Variants in UBE2E2 observed in about 807,000 individuals in gnomAD.
UBE2E2 encodes ubiquitin conjugating enzyme E2 E2.
In UBE2E2, 6 loss-of-function variants were observed where a neutral mutation model predicts 24.7. That is an observed-to-expected ratio of 0.24 (90% CI 0.13 to 0.48). The LOEUF (loss-of-function observed/expected upper bound fraction) is 0.48, where lower values mean the gene tolerates loss of function less well. UBE2E2 is among the 20% of genes least tolerant of loss of function. UBE2E2 has a pLI of 0.99. For synonymous variants in UBE2E2, 104 were observed against 83.6 expected (o/e 1.24, Z -1.33); for missense variants, 169 against 245.0 (o/e 0.69, Z 2.07).
intron 3 of UBE2E2, among the ~76,000 whole-genome samples, chr3:23,422,913 C>T (rs1026102422): frequency 2.6e-5 from 4 of 152,080 alleles, no homozygotes; most frequent in African/African-American, 9.7e-5. Flanking sequence ...GATCTAGATC[C>T]CTGTTCAGCT....
chr3:23,269,454 G>T (rs1698172487), intron 3 of UBE2E2, among the ~76,000 whole-genome samples: 1 of 152,192 alleles, frequency 6.6e-6, no homozygotes, highest in African/African-American at 2.4e-5. Flanking sequence ...TTGAAATAAA[G>T]AAATGTAGAG....
At chr3:23,548,095 A>G (rs1695564446) in intron 5 of UBE2E2, among the ~76,000 whole-genome samples, 1 of 152,142 alleles carries the variant, frequency 6.6e-6, no homozygotes, top group Admixed American at 6.5e-5. Flanking sequence ...TTATATACAT[A>G]TGTTCTCACA....
chr3:23,319,059 A>G (rs1694669520), intron 3 of UBE2E2, among the ~76,000 whole-genome samples: 1 of 152,196 alleles, frequency 6.6e-6, no homozygotes, highest in South Asian at 2.1e-4. Flanking sequence ...AGAGAAACTG[A>G]GAGTCTTTTA....
chr3:23,487,484 C>G (rs575454527), intron 3 of UBE2E2, among the ~76,000 whole-genome samples: 2 of 152,334 alleles, frequency 1.3e-5, no homozygotes, highest in East Asian at 3.9e-4. Context: ...ATGTGCCTCC[C>G]CCACTGTGGC....
At chr3:23,354,651 A>T (rs1044505518) in intron 3 of UBE2E2, among the ~76,000 whole-genome samples, 322 of 152,320 alleles carry the variant, frequency 2.1e-3, no homozygotes, top group Non-Finnish European at 2.8e-3. Context: ...CTGGCCATCA[A>T]AGAAATGCAA....
chr3:23,306,544 A>G (rs558787924), intron 3 of UBE2E2, among the ~76,000 whole-genome samples: 6 of 152,320 alleles, frequency 3.9e-5, no homozygotes, highest in Admixed American at 1.3e-4. Context: ...TAAGATTCCA[A>G]TCAAAACAAA....
At chr3:23,220,503 A>G (rs879619547) in intron 3 of UBE2E2, among the ~76,000 whole-genome samples, 1 of 152,186 alleles carries the variant, frequency 6.6e-6, no homozygotes, top group Non-Finnish European at 1.5e-5. Context: ...ACTTCATTTG[A>G]GTGAAATTTG....
intron 3 of UBE2E2, among the ~76,000 whole-genome samples, chr3:23,468,565 AAAG>A (rs1168503125): frequency 6.6e-6 from 1 of 152,244 alleles, no homozygotes; most frequent in Non-Finnish European, 1.5e-5. Flanking sequence ...GTAATGGAGA[AAAG>A]AAGAGGAAAT....
At chr3:23,211,038 G>C (rs995627585) in intron 2 of UBE2E2, among the ~76,000 whole-genome samples, 19 of 152,082 alleles carry the variant, frequency 1.2e-4, no homozygotes, top group African/African-American at 4.6e-4. Flanking sequence ...GAAAAAAATT[G>C]GGAATTATGA....
intron 3 of UBE2E2, among the ~76,000 whole-genome samples, chr3:23,320,242 A>G (rs894043524): frequency 3.9e-5 from 6 of 152,186 alleles, no homozygotes; most frequent in Non-Finnish European, 5.9e-5. Context: ...CCCTGTGTCC[A>G]TTGAAGGAGT....
intron 3 of UBE2E2, chr3:23,270,951 C>G (rs79914633): frequency 0.034 from 15,501 of 456,694 alleles, 448 homozygotes; most frequent in East Asian, 0.13. Flanking sequence ...TGTTAACAGG[C>G]TGTTCCTGAT....
intron 4 of UBE2E2, among the ~76,000 whole-genome samples, chr3:23,520,642 T>C (rs1463693913): frequency 6.6e-6 from 1 of 152,376 alleles, no homozygotes. Flanking sequence ...GTCATTGTTT[T>C]ACTATATTTT....
chr3:23,269,058 T>G (rs1698153759), intron 3 of UBE2E2, among the ~76,000 whole-genome samples: 1 of 151,888 alleles, frequency 6.6e-6, no homozygotes, highest in Admixed American at 6.6e-5. Flanking sequence ...TAATTCAAGA[T>G]GGATTAGAGA....
chr3:23,534,081 G>T (rs868660834), intron 5 of UBE2E2: 27 of 538,650 alleles, frequency 5.0e-5, no homozygotes, highest in Non-Finnish European at 5.9e-5. Flanking sequence ...GTCTGTGACT[G>T]TGTATAACCT....
intron 4 of UBE2E2, among the ~76,000 whole-genome samples, chr3:23,528,454 G>A (rs144713669): frequency 6.6e-6 from 1 of 152,192 alleles, no homozygotes; most frequent in Non-Finnish European, 1.5e-5. Context: ...CTGAAAGAGA[G>A]TGAGCCAGCA....
chr3:23,582,860 A>C (rs867180755), intron 5 of UBE2E2, among the ~76,000 whole-genome samples: 15 of 116,748 alleles, frequency 1.3e-4, no homozygotes, highest in Non-Finnish European at 2.7e-4. Flanking sequence ...TATTCTGTTG[A>C]GTGTGTGTGT....
Position 23,583,394 on chromosome 3 carries a change from A to T in UBE2E2, c.509-6340A>T, listed in dbSNP as rs763745881. Among the ~76,000 whole-genome samples, 2 of 152,098 alleles carry T rather than the reference A, an allele frequency of 1.3e-5. No homozygotes were observed. The highest frequency in any genetic ancestry group is 1.3e-4 in the Admixed American group (2 of 15,264). Reference sequence around the variant, plus strand: ...TCCACCTTTGTTCTTTTTGCTTAGCATTGCTTTGGCTATTCAGGCCCTTTT... The same window carrying T: ...TCCACCTTTGTTCTTTTTGCTTAGCTTTGCTTTGGCTATTCAGGCCCTTTT... On this transcript the variant is annotated intron_variant, in intron 5 of 5. Transcript: ENST00000396703. The surrounding 1 kb of genome is among the most constrained non-coding windows in gnomAD (Gnocchi z 4.1).
chr3:23,246,245 G>C (rs1466686177), intron 3 of UBE2E2, among the ~76,000 whole-genome samples: 3 of 57,582 alleles, frequency 5.2e-5, no homozygotes, highest in Admixed American at 2.7e-4. Flanking sequence ...TTTCGAGATG[G>C]AGTCTCGCTC....
At chr3:23,413,476 T>G (rs1215394887) in intron 3 of UBE2E2, among the ~76,000 whole-genome samples, 2 of 152,172 alleles carry the variant, frequency 1.3e-5, no homozygotes, top group African/African-American at 4.8e-5. Flanking sequence ...TCCCTGCCTT[T>G]CCCTGCAGTG....
Sources: allele counts gnomAD v4.1 joint callset (sites outside exome capture counted in the v4.1 genomes callset), GRCh38; gene constraint gnomAD v4.1.1; non-coding constraint Gnocchi (gnomAD v3.1); transcripts MANE v1.5; gene names NCBI Gene and HGNC (gene_info 2026-07-23, HGNC 2026-07-21).